The following PLCG2 variants were observed in gnomAD, a reference collection of about 807,000 sequenced individuals.
PLCG2 encodes the protein 1-phosphatidylinositol 4,5-bisphosphate phosphodiesterase gamma-2.
In PLCG2, 69 loss-of-function variants were observed where a neutral mutation model predicts 175.6. The observed-to-expected ratio is 0.39, with a 90% CI of 0.32 to 0.48. The LOEUF (loss-of-function observed/expected upper bound fraction) is 0.48. PLCG2 is among the 20% of genes least tolerant of loss of function. PLCG2 has a pLI of 0.91. For missense variants in PLCG2, 1,798 were observed against 1,650.9 expected (o/e 1.09, Z -1.54); for synonymous variants, 827 against 624.0 (o/e 1.33, Z -4.85).
At chr16:81,780,700 G>A (rs73587615) in intron 1 of PLCG2, among the ~76,000 whole-genome samples, 5,350 of 152,246 alleles carry the variant, frequency 0.035, 276 homozygotes, top group African/African-American at 0.12. Flanking sequence ...ATTGGGTAGA[G>A]TCAATGAAAA....
chr16:81,832,644 T>G (rs2143391351), intron 2 of PLCG2, among the ~76,000 whole-genome samples: 1 of 152,338 alleles, frequency 6.6e-6, no homozygotes, highest in African/African-American at 2.4e-5. Context: ...GCTGAAGCCA[T>G]TCTCCTGCCT....
chr16:81,741,212 T>A (rs966468224), intron 1 of PLCG2, among the ~76,000 whole-genome samples: 1 of 152,092 alleles, frequency 6.6e-6, no homozygotes, highest in East Asian at 1.9e-4. Context: ...ACAAACAAAC[T>A]TGTATTAAAT....
At chr16:81,869,797 A>C (rs546282925) in intron 6 of PLCG2, among the ~76,000 whole-genome samples, 2 of 152,216 alleles carry the variant, frequency 1.3e-5, no homozygotes, top group Non-Finnish European at 2.9e-5. Context: ...TGTGTAATCA[A>C]GTTATTGGTG....
chr16:81,962,464 C>T lies in PLCG2; in HGVS notation c.*4466C>T. 1 of 215,438 alleles carries T rather than the reference C, an allele frequency of 4.6e-6. No individual in the cohort carries two copies. Among genetic ancestry groups the T allele is most frequent in the Non-Finnish European group, 9.3e-6 (1 of 107,034 alleles). The allele number at this position is 215,438 out of a possible 1,614,324, so 13.3% of individuals were successfully genotyped here. On this transcript the variant is annotated 3_prime_UTR_variant, in exon 33 of 33. Coordinates refer to ENST00000564138, the MANE Select transcript of PLCG2 (RefSeq NM_002661.5). ...GAGCCAGATTCCAGTGATCCTGCCT[C>T]TCAGAAATTTCCACATTTCTTATTT...
At chr16:81,847,332 T>C (rs539910795) in intron 2 of PLCG2, among the ~76,000 whole-genome samples, 1 of 152,338 alleles carries the variant, frequency 6.6e-6, no homozygotes, top group Admixed American at 6.5e-5. Flanking sequence ...CCTGTCATCC[T>C]GGGTTTTTAT....
chr16:81,881,718 C>T (rs988725017), intron 8 of PLCG2, among the ~76,000 whole-genome samples: 22 of 152,196 alleles, frequency 1.4e-4, no homozygotes. Context: ...AATCTTGGCT[C>T]ACTGCAACCT....
chr16:81,939,193 C>G (rs1221420924), intron 29 of PLCG2, among the ~76,000 whole-genome samples: 1 of 152,066 alleles, frequency 6.6e-6, no homozygotes, highest in Non-Finnish European at 1.5e-5. Flanking sequence ...GTGCAACAGC[C>G]CAATCTGATT....
At chr16:81,875,701 A>C (rs1458198133) in intron 7 of PLCG2, among the ~76,000 whole-genome samples, 1 of 152,200 alleles carries the variant, frequency 6.6e-6, no homozygotes, top group Non-Finnish European at 1.5e-5. Flanking sequence ...CTCCTGATCA[A>C]ACCTGTGAAG....
chr16:81,762,457 T>C (rs1910061453), intron 2 of PLCG2, among the ~76,000 whole-genome samples: 2 of 151,964 alleles, frequency 1.3e-5, no homozygotes, highest in African/African-American at 4.8e-5. Context: ...TAGTCCCAGG[T>C]ACTCGGGAGG....
At position 81,936,327 on chromosome 16, in the gene PLCG2, C is replaced by T. The variant is rs1024473204; in HGVS notation, c.3001C>T (p.Arg1001Cys). 13 of 1,614,082 alleles carry T rather than the reference C, an allele frequency of 8.1e-6. No homozygotes were observed. The highest frequency in any genetic ancestry group is 1.3e-5 in the African/African-American group (1 of 74,916). ...RVDSSNYDPF[R>C]LWLCGSQMVA... The stretch of plus-strand genomic sequence containing the variant: ...TGACTCTTCAAACTACGACCCCTTC[C>T]GCCTCTGGCTGTGCGGTTCTCAGAT... The change falls in exon 27 of 33, where the codon CGC (arginine) becomes TGC (cysteine). Residue 1001 changes from arginine (R) to cysteine (C), a missense_variant. Physicochemically the swap from Arg to Cys is radical, Grantham distance 180. Transcript: ENST00000564138.
chr16:81,850,744 G>C (rs1347184036), intron 2 of PLCG2, among the ~76,000 whole-genome samples: 2 of 152,188 alleles, frequency 1.3e-5, no homozygotes, highest in Non-Finnish European at 2.9e-5. Flanking sequence ...ACAGCATAGA[G>C]AGCTTCTTCC....
rs542943350 is a variant in PLCG2, at chr16:81,931,358, T to C, written c.2582-139T>C. On this transcript the variant is annotated intron_variant, in intron 24 of 32. Coordinates refer to ENST00000564138, the MANE Select transcript of PLCG2 (RefSeq NM_002661.5). ...GATGTGTACTTACCCCGATGGAAAG[T>C]AGACGTCCCCATCAGTGCTAACCGT... is the stretch of plus-strand genomic sequence containing the variant. 31 of 694,910 alleles carry C rather than the reference T, an allele frequency of 4.5e-5. No individual in the cohort carries two copies. The Admixed American group carries it at 8.3e-4, about 19-fold the overall frequency. The allele number at this position is 694,910 out of a possible 1,614,324, so 43.0% of individuals were successfully genotyped here. A position where few individuals can be genotyped will look rare whatever the true frequency, so the allele number is the denominator to read the frequency against.
intron 13 of PLCG2, among the ~76,000 whole-genome samples, chr16:81,900,223 G>A (rs1048131453): frequency 8.5e-5 from 13 of 152,196 alleles, no homozygotes; most frequent in Non-Finnish European, 1.6e-4. Flanking sequence ...GTGGAACAGC[G>A]TCCCTGTTGG....
intron 2 of PLCG2, among the ~76,000 whole-genome samples, chr16:81,803,122 TTTTTTTTTTTTTG>T (rs983116417): frequency 9.4e-4 from 129 of 137,852 alleles, no homozygotes; most frequent in African/African-American, 3.1e-3. Flanking sequence ...ACTTTTTTTT[TTTTTTTTTTTTTG>T]TGAGACGGAA....
chr16:81,832,109 G>C (rs982160648), intron 2 of PLCG2, among the ~76,000 whole-genome samples: 1 of 152,026 alleles, frequency 6.6e-6, no homozygotes, highest in African/African-American at 2.4e-5. Context: ...AAATGGAGGG[G>C]GGGAATAGTG....
intron 2 of PLCG2, among the ~76,000 whole-genome samples, chr16:81,845,435 A>C (rs1906064230): frequency 6.6e-6 from 1 of 151,960 alleles, no homozygotes; most frequent in South Asian, 2.1e-4. Flanking sequence ...TATCACTATC[A>C]CTCCTGTTGT....
At chr16:81,782,566 C>A (rs150769276) in intron 1 of PLCG2, among the ~76,000 whole-genome samples, 1 of 152,194 alleles carries the variant, frequency 6.6e-6, no homozygotes, top group African/African-American at 2.4e-5. Flanking sequence ...CTCCAGGGAT[C>A]TTTTGGCCGT....
At chr16:81,765,896 G>C (rs998745529) in intron 2 of PLCG2, among the ~76,000 whole-genome samples, 2 of 152,214 alleles carry the variant, frequency 1.3e-5, no homozygotes. Flanking sequence ...TACTAGGAAA[G>C]GGCCCTGGGG....
chr16:81,948,700 G>A (rs1489110388), intron 31 of PLCG2, among the ~76,000 whole-genome samples: 1 of 152,110 alleles, frequency 6.6e-6, no homozygotes, highest in Non-Finnish European at 1.5e-5. Context: ...AGACCTGGAG[G>A]GACACAAAGG....
Sources: allele counts gnomAD v4.1 joint callset (sites outside exome capture counted in the v4.1 genomes callset), GRCh38; gene constraint gnomAD v4.1.1; transcripts MANE v1.5; gene names NCBI Gene and HGNC (gene_info 2026-07-23, HGNC 2026-07-21).